CAPN9: variants seen among roughly 807,000 people sequenced by gnomAD.
CAPN9 encodes the protein calpain-9.
Under a neutral mutation model 92.8 loss-of-function variants are expected in CAPN9, and 81 were observed. The ratio of observed to expected loss-of-function variants is 0.87; its 90% CI spans 0.73 to 1.05. CAPN9 has a LOEUF of 1.05. CAPN9 is among the 50% of genes least tolerant of loss of function. CAPN9 has a pLI of 0.00. For missense variants in CAPN9, 848 were observed against 866.2 expected (o/e 0.98, Z 0.26); for synonymous variants, 304 against 328.0 (o/e 0.93, Z 0.79).
chr1:230,792,625 A>G, intron 16 of CAPN9, 131 bp downstream of exon 16: 2 of 808,364 alleles, frequency 2.5e-6, no homozygotes, highest in Admixed American at 1.9e-5. Context: ...AGAAGGGAAA[A>G]CAGCATCATG....
At chr1:230,771,452 C>T (rs1001039704) in intron 6 of CAPN9, among the ~76,000 whole-genome samples, 2 of 152,212 alleles carry the variant, frequency 1.3e-5, no homozygotes, top group African/African-American at 4.8e-5. Context: ...CTCACAGACA[C>T]CTGAAATAAG....
intron 2 of CAPN9, among the ~76,000 whole-genome samples, chr1:230,756,335 GGATA>G (rs1484159485): frequency 6.6e-6 from 1 of 151,780 alleles, no homozygotes; most frequent in Non-Finnish European, 1.5e-5. Flanking sequence ...AGAAGCAAAT[GGATA>G]GATAGATAGA....
At chr1:230,752,775 C>A (rs1664930358) in intron 1 of CAPN9, 5 of 890,416 alleles carry the variant, frequency 5.6e-6, no homozygotes, top group Non-Finnish European at 5.4e-6. Context: ...CTGGCAGGGG[C>A]TGGGCAATCA....
At chr1:230,770,354 G>A (rs925744008) in intron 6 of CAPN9, among the ~76,000 whole-genome samples, 1 of 152,158 alleles carries the variant, frequency 6.6e-6, no homozygotes, top group African/African-American at 2.4e-5. Context: ...GTTCTGGTCA[G>A]GTCTTCACAG....
At chr1:230,791,428 C>T (rs1667975661) in intron 14 of CAPN9, among the ~76,000 whole-genome samples, 1 of 152,172 alleles carries the variant, frequency 6.6e-6, no homozygotes, top group African/African-American at 2.4e-5. Context: ...GTACAAATTT[C>T]TCCAACAAAT....
At position 230,770,750 on chromosome 1, in the gene CAPN9, C is replaced by T. The variant is rs28359653; in HGVS notation, c.790-1264C>T. ...AAGCTCAGCAAAGCCCAGCAGCCTG[C>T]CTTGCCCACTCCATGCCTCCCTGGA... On this transcript the variant is annotated intron_variant, in intron 6 of 19. Coordinates refer to ENST00000271971, the MANE Select transcript of CAPN9 (RefSeq NM_006615.3). Among the ~76,000 whole-genome samples the T allele has an allele frequency of 6.4e-3, 981 of 152,308 alleles. 8 individuals carry two copies. Among genetic ancestry groups the T allele is most frequent in the African/African-American group, 0.022 (932 of 41,556 alleles).
intron 8 of CAPN9, among the ~76,000 whole-genome samples, chr1:230,775,391 A>G (rs1666689373): frequency 6.6e-6 from 1 of 152,172 alleles, no homozygotes; most frequent in African/African-American, 2.4e-5. Flanking sequence ...GTAGGAAGTA[A>G]ACATTTCTAC....
chr1:230,786,784 T>C (rs1667620585), intron 12 of CAPN9, among the ~76,000 whole-genome samples: 1 of 152,134 alleles, frequency 6.6e-6, no homozygotes, highest in South Asian at 2.1e-4. Flanking sequence ...AGAAATCTAA[T>C]CAATGAAAAG....
At chr1:230,786,050 A>G in intron 12 of CAPN9, 33 bp downstream of exon 12, 2 of 1,611,840 alleles carry the variant, frequency 1.2e-6, no homozygotes, top group South Asian at 1.1e-5. Flanking sequence ...GGAGTATGGG[A>G]TTCAGGTGAT....
intron 17 of CAPN9, 41 bp downstream of exon 17, chr1:230,792,969 A>G: frequency 6.7e-7 from 1 of 1,497,692 alleles, no homozygotes; most frequent in Non-Finnish European, 9.3e-7. Context: ...ACTGCATGCC[A>G]GGTACTGCCT....
chr1:230,792,293 T>G, intron 15 of CAPN9, 133 bp from the exon 16 acceptor site: 1 of 711,842 alleles, frequency 1.4e-6, no homozygotes, highest in Non-Finnish European at 2.5e-6. Flanking sequence ...TTAAAACCAC[T>G]TCCCCAGGGC....
In CAPN9 at chr1:230,786,948, G is replaced by A. The variant is rs28359697; in HGVS notation, c.1519-574G>A. On this transcript the variant is annotated intron_variant, in intron 12 of 19. Transcript: ENST00000271971. Reference sequence around the variant, plus strand: ...TCGCAAGAGGCCCTGAGATACTATAGCTGGAAATAGTCTGACACGTCCAGG... The same window carrying A: ...TCGCAAGAGGCCCTGAGATACTATAACTGGAAATAGTCTGACACGTCCAGG... 7.5e-3 allele frequency among the ~76,000 whole-genome samples: 1,140 copies of A among 152,256 alleles called. 12 individuals are homozygous for A. Among genetic ancestry groups the A allele is most frequent in the African/African-American group, 0.026 (1,069 of 41,540 alleles).
chr1:230,759,513 A>G lies in CAPN9; in HGVS notation c.285A>G (p.Gly95=), dbSNP rs1168154232. 2 of 1,601,872 alleles carry G rather than the reference A, an allele frequency of 1.2e-6. No homozygotes were observed. The highest frequency in any genetic ancestry group is 1.7e-6 in the Non-Finnish European group (2 of 1,174,798). ...TRTDICQGEL[G]DCWLLAAIAS... is the part of the protein sequence containing the mutation. The stretch of plus-strand genomic sequence containing the variant: ...TGATTTATGGCTTCCATTTTGCAGG[A>G]GACTGCTGGCTATTAGCCGCCATCG... The change falls in exon 3 of 20, where the codon GGA becomes GGG. Residue 95 remains glycine, a splice_region_variant and synonymous_variant. Transcript: ENST00000271971.
intron 2 of CAPN9, 45 bp from the exon 3 acceptor site, chr1:230,759,467 G>A (rs757440229): frequency 2.9e-6 from 4 of 1,375,398 alleles, no homozygotes; most frequent in South Asian, 1.3e-5. Flanking sequence ...CCTATTTGCT[G>A]TGAAATAGCA....
intron 4 of CAPN9, among the ~76,000 whole-genome samples, chr1:230,766,939 A>C (rs535212631): frequency 6.6e-6 from 1 of 152,340 alleles, no homozygotes; most frequent in East Asian, 1.9e-4. Flanking sequence ...ACCCGCCTCC[A>C]TAATTCAGTC....
intron 4 of CAPN9, 61 bp from the exon 5 acceptor site, chr1:230,767,480 G>A: frequency 1.4e-6 from 2 of 1,380,980 alleles, no homozygotes; most frequent in Non-Finnish European, 2.0e-6. Flanking sequence ...CTGAAAGCAG[G>A]GTGCCCCAGT....
At chr1:230,780,884 A>G (rs1206296839) in intron 11 of CAPN9, among the ~76,000 whole-genome samples, 176 bp downstream of exon 11, 3 of 145,994 alleles carry the variant, frequency 2.1e-5, no homozygotes, top group Non-Finnish European at 4.6e-5. Context: ...TTTTTTTTTG[A>G]AATGAAGTTT....
chr1:230,775,314 C>T (rs1216731082), intron 8 of CAPN9, among the ~76,000 whole-genome samples: 1 of 152,164 alleles, frequency 6.6e-6, no homozygotes, highest in East Asian at 1.9e-4. Context: ...ATTCCCTCCA[C>T]ACCCATCTTG....
At chr1:230,771,208 C>T (rs6677009) in intron 6 of CAPN9, among the ~76,000 whole-genome samples, 103,557 of 152,128 alleles carry the variant, frequency 0.68, 35,641 homozygotes, top group South Asian at 0.71. Context: ...TCTTGGACTC[C>T]GAAGAGTTGA....
Sources: allele counts gnomAD v4.1 joint callset (sites outside exome capture counted in the v4.1 genomes callset), GRCh38; gene constraint gnomAD v4.1.1; transcripts MANE v1.5; gene names NCBI Gene and HGNC (gene_info 2026-07-23, HGNC 2026-07-21).